ADGRA1: variants seen among roughly 807,000 people sequenced by gnomAD.
The protein encoded by ADGRA1 is adhesion G protein-coupled receptor A1.
In ADGRA1, 12 loss-of-function variants were observed where a neutral mutation model predicts 21.3. The ratio of observed to expected loss-of-function variants is 0.56; its 90% CI spans 0.36 to 0.91. ADGRA1 has a LOEUF of 0.91. Ranked by LOEUF, ADGRA1 falls within the 40% of genes least tolerant of loss-of-function variation. The pLI is 0.01. For missense variants in ADGRA1, 790 were observed against 805.6 expected, an observed-to-expected ratio of 0.98 and a Z score of 0.23; for synonymous variants, 385 against 368.8, an observed-to-expected ratio of 1.04 and a Z score of -0.50.
intron 5 of ADGRA1, among the ~76,000 whole-genome samples, chr10:133,119,387 T>G (rs903176513): frequency 5.3e-5 from 8 of 152,326 alleles, no homozygotes; most frequent in Middle Eastern, 3.4e-3. Context: ...GGGGCGGCTG[T>G]GGCAGTTTCT....
rs1851583566 is a variant in ADGRA1 at position 133,090,664 on chromosome 10, C to T, written c.3+1752C>T. Among the ~76,000 whole-genome samples, 5 of 152,274 alleles carry T rather than the reference C, an allele frequency of 3.3e-5. No individual in the cohort carries two copies. In the South Asian group the frequency reaches 6.2e-4, roughly 19 times the overall value. On this transcript the variant is annotated intron_variant, in intron 2 of 6. Coordinates refer to ENST00000392607, the MANE Select transcript of ADGRA1 (RefSeq NM_001083909.3). ...GGTCTTGAGAAGGAAGCCTGGAGGC[C>T]GTGGCCAGGGCAGGGTGGCCCTGAC... is the stretch of plus-strand genomic sequence containing the variant.
intron 5 of ADGRA1, among the ~76,000 whole-genome samples, chr10:133,122,588 A>AT (rs1255726727): frequency 6.6e-6 from 1 of 152,122 alleles, no homozygotes; most frequent in Non-Finnish European, 1.5e-5. Flanking sequence ...AGATTTAATC[A>AT]TTTTTGAGTG....
At chr10:133,113,165 A>G (rs201433886) in intron 5 of ADGRA1, among the ~76,000 whole-genome samples, 9 of 29,360 alleles carry the variant, frequency 3.1e-4, no homozygotes, top group East Asian at 2.0e-3. Flanking sequence ...TGAGGTCTGT[A>G]AGCCGCGTCG....
chr10:133,110,332 G>C (rs58675270), intron 5 of ADGRA1, among the ~76,000 whole-genome samples: 1 of 152,192 alleles, frequency 6.6e-6, no homozygotes, highest in African/African-American at 2.4e-5. Flanking sequence ...CCACAGCTAC[G>C]GAGCCTCACA....
chr10:133,098,791 C>A (rs1473066826), intron 4 of ADGRA1, 28 bp downstream of exon 4: 1 of 1,604,084 alleles, frequency 6.2e-7, no homozygotes. Context: ...CTCGTTGGCT[C>A]CTCCCAGAGG....
chr10:133,095,241 A>G (rs1851666634), intron 2 of ADGRA1, among the ~76,000 whole-genome samples: 1 of 152,116 alleles, frequency 6.6e-6, no homozygotes, highest in Admixed American at 6.5e-5. Flanking sequence ...ACTCAGGAGA[A>G]TCTGGACAGA....
rs1851896962 is a variant in ADGRA1, at chr10:133,106,573, G to T, written c.401+3731G>T. Reference sequence around the variant, plus strand: ...GCACTGGGCCAAGGAGGGTGCCCAGGATGGGCACAGCCTGGCCTCAGGGCG... The same window carrying T: ...GCACTGGGCCAAGGAGGGTGCCCAGTATGGGCACAGCCTGGCCTCAGGGCG... On this transcript the variant is annotated intron_variant, in intron 5 of 6. Coordinates refer to ENST00000392607, the MANE Select transcript of ADGRA1 (RefSeq NM_001083909.3). 2.6e-5 allele frequency among the ~76,000 whole-genome samples: 4 copies of T among 152,248 alleles called. No individual in the cohort carries two copies. The South Asian group carries it at 8.3e-4, about 32-fold the overall frequency.
chr10:133,115,721 A>G (rs1852145106), intron 5 of ADGRA1, among the ~76,000 whole-genome samples: 1 of 152,044 alleles, frequency 6.6e-6, no homozygotes, highest in South Asian at 2.1e-4. Flanking sequence ...TGAACCACCC[A>G]CTGCTGGGAC....
intron 5 of ADGRA1, among the ~76,000 whole-genome samples, chr10:133,121,870 T>C (rs1435845889): frequency 4.1e-4 from 61 of 147,576 alleles, no homozygotes; most frequent in African/African-American, 1.4e-3. Context: ...TGAGTGCCTG[T>C]GTGTGGTGTG....
At position 133,098,635 on chromosome 10, in the gene ADGRA1, C is replaced by T; in HGVS notation, c.132-5C>T. On this transcript the variant is annotated splice_region_variant and splice_polypyrimidine_tract_variant and intron_variant, in intron 3 of 6. Transcript: ENST00000392607. ...CATGTGAAACCCTCCTTTCCCGTCC[C>T]ACAGCGCCATCCGCATCAGCCGCAA... 1 of 1,607,380 alleles carries T rather than the reference C, an allele frequency of 6.2e-7. No individual in the cohort carries two copies. Among genetic ancestry groups the T allele is most frequent in the Non-Finnish European group, 8.5e-7 (1 of 1,179,348 alleles).
chr10:133,100,120 T>C (rs1851763931), intron 4 of ADGRA1, among the ~76,000 whole-genome samples: 2 of 152,220 alleles, frequency 1.3e-5, no homozygotes, highest in South Asian at 4.1e-4. Flanking sequence ...GGAGACGTCA[T>C]GTCTGTGTGA....
rs906394866 is a variant in ADGRA1, at chr10:133,096,888, C to T, written c.4-86C>T. The stretch of plus-strand genomic sequence containing the variant: ...TGCCTGGAGCGGCTGCAGGGGAAGC[C>T]GAGCCCCAAGGGTAGGCTCAGGCGA... On this transcript the variant is annotated intron_variant, in intron 2 of 6. Coordinates refer to ENST00000392607, the MANE Select transcript of ADGRA1 (RefSeq NM_001083909.3). The T allele has an allele frequency of 1.1e-5, 16 of 1,491,962 alleles. No homozygotes were observed. The East Asian group carries it at 1.6e-4, about 15-fold the overall frequency. The allele number at this position is 1,491,962 out of a possible 1,614,324, so 92.4% of individuals were successfully genotyped here.
At chr10:133,106,815 A>G (rs1268994551) in intron 5 of ADGRA1, among the ~76,000 whole-genome samples, 1 of 152,248 alleles carries the variant, frequency 6.6e-6, no homozygotes, top group East Asian at 1.9e-4. Flanking sequence ...CTCTGCACAC[A>G]GTCTCACCCC....
At chr10:133,102,061 TTA>T (rs2135876828) in intron 4 of ADGRA1, among the ~76,000 whole-genome samples, 1 of 152,368 alleles carries the variant, frequency 6.6e-6, no homozygotes, top group East Asian at 1.9e-4. Flanking sequence ...AAATGTCAGG[TTA>T]TTACTCCAAA....
At chr10:133,100,455 G>A (rs565393090) in intron 4 of ADGRA1, among the ~76,000 whole-genome samples, 3 of 152,322 alleles carry the variant, frequency 2.0e-5, no homozygotes, top group South Asian at 2.1e-4. Flanking sequence ...AGCAAACCCC[G>A]CCCGCGCCTT....
At chr10:133,112,682 GGGGTCT>G (rs1311171160) in intron 5 of ADGRA1, among the ~76,000 whole-genome samples, 10 of 146,776 alleles carry the variant, frequency 6.8e-5, no homozygotes, top group East Asian at 2.1e-4. Context: ...TCGGTTATTT[GGGGTCT>G]ACGGGCCACG....
chr10:133,102,778 A>T lies in ADGRA1; in HGVS notation c.337A>T (p.Thr113Ser). The T allele has an allele frequency of 6.2e-7, 1 of 1,612,858 alleles. No individual in the cohort carries two copies. The highest frequency in any genetic ancestry group is 8.5e-7 in the Non-Finnish European group (1 of 1,179,856). ...CGCCAGGAACATCTACAAGCAGGTG[A>T]CCAAGAAGGCCCCTCTGTGCCTGGA... The part of the protein sequence containing the change: ...VTARNIYKQV[T>S]KKAPLCLDTD... The change falls in exon 5 of 7, where the codon ACC becomes TCC. Residue 113 changes from threonine to serine, a missense_variant. Thr to Ser is a moderately conservative substitution (Grantham distance 58). This residue lies in a region of ADGRA1 where 382 missense variants were observed against 415.6 expected (regional missense o/e 0.92). Coordinates refer to ENST00000392607, the MANE Select transcript of ADGRA1 (RefSeq NM_001083909.3).
At chr10:133,108,528 G>A (rs565998743) in intron 5 of ADGRA1, among the ~76,000 whole-genome samples, 18 of 152,184 alleles carry the variant, frequency 1.2e-4, no homozygotes, top group South Asian at 2.1e-4. Flanking sequence ...CAGAGGCACC[G>A]GCTCAGCCAC....
intron 1 of ADGRA1, 73 bp from the exon 2 acceptor site, chr10:133,088,635 G>A (rs1851544924): frequency 1.0e-6 from 1 of 1,001,802 alleles, no homozygotes; most frequent in African/African-American, 1.7e-5. Flanking sequence ...CTGCTCCCTG[G>A]CGGGGTCGGG....
Sources: allele counts gnomAD v4.1 joint callset (sites outside exome capture counted in the v4.1 genomes callset), GRCh38; gene constraint gnomAD v4.1.1; regional missense constraint gnomAD v4.1.1; transcripts MANE v1.5; gene names NCBI Gene and HGNC (gene_info 2026-07-23, HGNC 2026-07-21).